GTF3C6: variants seen among roughly 807,000 people sequenced by gnomAD.
GTF3C6 encodes general transcription factor 3C polypeptide 6.
Under a neutral mutation model 19.2 loss-of-function variants are expected in GTF3C6, and 11 were observed. That is an observed-to-expected ratio of 0.57 (90% confidence interval 0.36 to 0.95). GTF3C6 has a LOEUF of 0.95. Among genes scored for constraint, GTF3C6 ranks in the 40% least tolerant of loss-of-function variants. The pLI, the probability that GTF3C6 is intolerant of heterozygous loss-of-function variation, is 0.01. For synonymous variants in GTF3C6, 87 were observed against 84.2 expected (o/e 1.03, Z -0.18); for missense variants, 222 against 254.7 (o/e 0.87, Z 0.87).
chr6:110,959,552 G>A (rs1771131306), intron 2 of GTF3C6, among the ~76,000 whole-genome samples: 2 of 152,226 alleles, frequency 1.3e-5, no homozygotes, highest in African/African-American at 2.4e-5. Context: ...ATATGGAACC[G>A]TACATATATT....
At chr6:110,960,650 G>A (rs371115082) in intron 4 of GTF3C6, 34 bp downstream of exon 4, 26 of 1,510,890 alleles carry the variant, frequency 1.7e-5, no homozygotes, top group African/African-American at 5.5e-5. Context: ...TTTTTAATAC[G>A]AACTATTTCA....
intron 2 of GTF3C6, 54 bp downstream of exon 2, chr6:110,959,306 A>G (rs572753580): frequency 2.1e-5 from 22 of 1,066,564 alleles, no homozygotes; most frequent in Non-Finnish European, 2.9e-5. Context: ...ATGTAAAACA[A>G]GAATCAATGG....
intron 1 of GTF3C6, 101 bp from the exon 2 acceptor site, chr6:110,959,069 CAG>C (rs1771123998): frequency 5.4e-6 from 5 of 931,902 alleles, no homozygotes; most frequent in African/African-American, 3.3e-5. Flanking sequence ...TTGCTGAAAA[CAG>C]GGTCCGGTTT....
Position 110,962,968 on chromosome 6 carries a change from G to A in GTF3C6, c.361+463G>A, listed in dbSNP as rs1049056585. Among the ~76,000 whole-genome samples, 6 of 152,058 alleles carry A rather than the reference G, an allele frequency of 3.9e-5. No individual in the cohort carries two copies. The South Asian group carries it at 1.2e-3, about 32-fold the overall frequency. ...TAATTTTTGTATTTTTAGTATAGAC[G>A]GGGTTTTACAGTGTTGGCCAGGATG... On this transcript the variant is annotated intron_variant, in intron 5 of 5. Coordinates refer to ENST00000329970, the MANE Select transcript of GTF3C6 (RefSeq NM_138408.4).
At chr6:110,964,187 C>T (rs1167926011) in intron 5 of GTF3C6, among the ~76,000 whole-genome samples, 1 of 152,026 alleles carries the variant, frequency 6.6e-6, no homozygotes, top group African/African-American at 2.4e-5. Flanking sequence ...CCTCAGCCTC[C>T]CCAGTAGTTG....
At chr6:110,964,469 T>C (rs1771203379) in intron 5 of GTF3C6, among the ~76,000 whole-genome samples, 1 of 151,888 alleles carries the variant, frequency 6.6e-6, no homozygotes, top group South Asian at 2.1e-4. Flanking sequence ...GGTCTGGAAC[T>C]GACTTCATGA....
chr6:110,967,026 A>G (rs1208874535), intron 5 of GTF3C6, among the ~76,000 whole-genome samples: 1 of 151,974 alleles, frequency 6.6e-6, no homozygotes, highest in Non-Finnish European at 1.5e-5. Flanking sequence ...GGTGGCACAC[A>G]CCTGTAATCC....
chr6:110,962,530 C>T (rs1771174092), intron 5 of GTF3C6, 25 bp downstream of exon 5: 1 of 1,222,628 alleles, frequency 8.2e-7, no homozygotes, highest in Admixed American at 1.7e-5. Flanking sequence ...TCTCTGAAAA[C>T]AGGTGATCCA....
At chr6:110,963,188 A>G (rs971138782) in intron 5 of GTF3C6, among the ~76,000 whole-genome samples, 5 of 152,190 alleles carry the variant, frequency 3.3e-5, no homozygotes, top group African/African-American at 7.2e-5. Flanking sequence ...AAGTGCTGCA[A>G]TTACAGGTGT....
intron 5 of GTF3C6, among the ~76,000 whole-genome samples, chr6:110,965,155 T>A (rs1315947108): frequency 8.5e-5 from 11 of 128,962 alleles, no homozygotes; most frequent in East Asian, 5.2e-4. Context: ...TTTTTTTTTT[T>A]AAATAGAGAC....
At chr6:110,962,370 A>T (rs1210882041) in intron 4 of GTF3C6, 22 bp from the exon 5 acceptor site, 1 of 1,224,590 alleles carries the variant, frequency 8.2e-7, no homozygotes, top group East Asian at 2.3e-5. Context: ...AAGTATAATA[A>T]TGTTGTTCAT....
Position 110,958,724 on chromosome 6 carries a change from C to T in GTF3C6, c.-46C>T. ...GAAGCCCGTACTCAAGATGGCGGCT[C>T]CGGGCGGGCGTGGCCAGTGACTAGA... On this transcript the variant is annotated 5_prime_UTR_variant, in exon 1 of 6. Coordinates refer to ENST00000329970, the MANE Select transcript of GTF3C6 (RefSeq NM_138408.4). 6.5e-7 allele frequency: 1 copy of T among 1,547,248 alleles called. No individual in the cohort carries two copies. The highest frequency in any genetic ancestry group is 8.7e-7 in the Non-Finnish European group (1 of 1,144,678).
chr6:110,967,512 G>A lies in GTF3C6; in HGVS notation c.364G>A (p.Gly122Arg). 6.2e-7 allele frequency: 1 copy of A among 1,603,652 alleles called. No homozygotes were observed. The highest frequency in any genetic ancestry group is 1.1e-5 in the South Asian group (1 of 89,142). ...EKKEGEENIG[G>R]VEWLQIKDND... Reference sequence around the variant, plus strand: ...ATTCCTCATCCCCTCCAAATTAGGTGGGGTGGAATGGCTGCAAATAAAGGA... The same window carrying A: ...ATTCCTCATCCCCTCCAAATTAGGTAGGGTGGAATGGCTGCAAATAAAGGA... Residue 122 changes from glycine to arginine, a missense_variant and splice_region_variant, in exon 6 of 6, where the codon GGG becomes AGG. Coordinates refer to ENST00000329970, the MANE Select transcript of GTF3C6 (RefSeq NM_138408.4).
At chr6:110,963,782 A>G (rs1438269793) in intron 5 of GTF3C6, among the ~76,000 whole-genome samples, 7 of 151,220 alleles carry the variant, frequency 4.6e-5, no homozygotes, top group East Asian at 1.9e-4. Flanking sequence ...GCTCACTGCA[A>G]TCTCCACCTC....
chr6:110,966,948 G>C (rs187233261), intron 5 of GTF3C6, among the ~76,000 whole-genome samples: 1 of 152,230 alleles, frequency 6.6e-6, no homozygotes, highest in East Asian at 1.9e-4. Context: ...GAAGTCAGGA[G>C]TTCGAGACCA....
chr6:110,966,371 G>T (rs9372279), intron 5 of GTF3C6, among the ~76,000 whole-genome samples: 2 of 152,010 alleles, frequency 1.3e-5, no homozygotes, highest in East Asian at 1.9e-4. Context: ...CAGCTACTCG[G>T]GAGGCTGAGG....
intron 5 of GTF3C6, 124 bp downstream of exon 5, chr6:110,962,629 G>T: frequency 1.7e-6 from 1 of 577,358 alleles, no homozygotes; most frequent in Non-Finnish European, 3.2e-6. Flanking sequence ...TTTTCAGACA[G>T]TCTTGCTCTG....
chr6:110,960,705 C>T lies in GTF3C6; in HGVS notation c.247+89C>T, dbSNP rs532289719. ...AATATCTCATGTATCCACTGTCTAG[C>T]TGTATCATATCCTATCATTTTCCCA... is the stretch of plus-strand genomic sequence containing the variant. On this transcript the variant is annotated intron_variant, in intron 4 of 5. Coordinates refer to ENST00000329970, the MANE Select transcript of GTF3C6 (RefSeq NM_138408.4). 5.0e-6 allele frequency: 5 copies of T among 1,003,204 alleles called. No individual in the cohort carries two copies. The South Asian group carries it at 5.2e-5, about 10-fold the overall frequency. The allele number at this position is 1,003,204 out of a possible 1,614,324, so 62.1% of individuals were successfully genotyped here.
At chr6:110,958,919 G>C in intron 1 of GTF3C6, 93 bp downstream of exon 1, 1 of 1,380,890 alleles carries the variant, frequency 7.2e-7, no homozygotes, top group Non-Finnish European at 9.9e-7. Flanking sequence ...CTGCGGGCCG[G>C]AGGGAGGCCC....
Sources: gnomAD v4.1 joint callset for allele counts (sites outside exome capture counted in the v4.1 genomes callset) on GRCh38, gnomAD v4.1.1 for gene constraint, MANE v1.5 for transcripts, NCBI Gene and HGNC (gene_info 2026-07-23, HGNC 2026-07-21) for gene names.